MAST4: variants seen among roughly 807,000 people sequenced by gnomAD.
MAST4 encodes the protein microtubule associated serine/threonine kinase family member 4, also known as microtubule-associated serine/threonine-protein kinase 4.
In MAST4, 89 loss-of-function variants were observed where a neutral mutation model predicts 162.7. The ratio of observed to expected loss-of-function variants is 0.55; its 90% CI spans 0.46 to 0.65. The LOEUF (loss-of-function observed/expected upper bound fraction) is 0.65, where lower values mean the gene tolerates loss of function less well. Ranked by LOEUF, MAST4 falls within the 30% of genes least tolerant of loss-of-function variation. The pLI is 0.00. For missense variants in MAST4, 3,153 were observed against 3,374.0 expected (o/e 0.93, Z 1.62); for synonymous variants, 1,479 against 1,361.1 (o/e 1.09, Z -1.91).
chr5:66,879,309 G>T (rs1490427264), intron 3 of MAST4, among the ~76,000 whole-genome samples: 5 of 146,790 alleles, frequency 3.4e-5, no homozygotes, highest in Admixed American at 6.9e-5. Context: ...AAATTGTACT[G>T]ATATATATAT....
intron 3 of MAST4, among the ~76,000 whole-genome samples, chr5:66,876,243 A>G (rs1371698059): frequency 6.6e-6 from 1 of 152,190 alleles, no homozygotes; most frequent in Non-Finnish European, 1.5e-5. Context: ...TATCAATGCA[A>G]TGTTGATTTT....
chr5:66,921,868 T>C (rs1443809940), intron 4 of MAST4, among the ~76,000 whole-genome samples: 1 of 152,250 alleles, frequency 6.6e-6, no homozygotes, highest in Non-Finnish European at 1.5e-5. Context: ...CATGTAACGT[T>C]CTAATTAAAT....
intron 1 of MAST4, among the ~76,000 whole-genome samples, chr5:66,621,975 G>A (rs927288276): frequency 6.6e-6 from 1 of 152,142 alleles, no homozygotes; most frequent in Non-Finnish European, 1.5e-5. Flanking sequence ...GTCCATGAAA[G>A]GATATAGCTG....
chr5:66,876,004 C>T (rs1024082456), intron 3 of MAST4, among the ~76,000 whole-genome samples: 5 of 152,236 alleles, frequency 3.3e-5, no homozygotes, highest in African/African-American at 1.2e-4. Flanking sequence ...TGGGGTCAAG[C>T]AATCCTCCTG....
chr5:67,095,459 C>G, intron 6 of MAST4, 138 bp from the exon 7 acceptor site: 2 of 577,654 alleles, frequency 3.5e-6, no homozygotes, highest in Non-Finnish European at 6.1e-6. Context: ...TTTGTTTACC[C>G]TGACCCTTGC....
chr5:67,163,228 C>T lies in MAST4; in HGVS notation c.4049C>T (p.Thr1350Ile). The T allele has an allele frequency of 6.2e-7, 1 of 1,613,944 alleles. No individual in the cohort carries two copies. The highest frequency in any genetic ancestry group is 8.5e-7 in the Non-Finnish European group (1 of 1,179,902). Residue 1350 changes from threonine (T) to isoleucine (I), a missense_variant, in exon 29 of 29, where the codon ACT (threonine) becomes ATT (isoleucine). By Grantham distance (89) the Thr-to-Ile change is moderately conservative. Transcript: ENST00000403625. This position sits in a 1 kb window ranked among gnomAD's most constrained non-coding sequence, Gnocchi z 7.0. ...PAGSGHIRPSTLHGLAPKLGG... is the reference protein window; with the variant it reads ...PAGSGHIRPSILHGLAPKLGG... ...GGGTCCGGGCACATCCGGCCCAGCA[C>T]TCTCCACGGTCTTGCACCCAAACTC...
chr5:66,964,685 A>G (rs1254269311), intron 4 of MAST4, among the ~76,000 whole-genome samples: 1 of 152,182 alleles, frequency 6.6e-6, no homozygotes, highest in East Asian at 1.9e-4. Context: ...CCTTAGTCCC[A>G]GCTACCCCAT....
chr5:67,113,923 A>T (rs1404562532), intron 11 of MAST4, among the ~76,000 whole-genome samples, 164 bp from the exon 12 acceptor site: 1 of 152,242 alleles, frequency 6.6e-6, no homozygotes, highest in African/African-American at 2.4e-5. Flanking sequence ...GGCTTCAAAT[A>T]TGAAGTGAGA....
At chr5:66,771,837 T>G (rs1463727586) in intron 2 of MAST4, among the ~76,000 whole-genome samples, 2 of 152,068 alleles carry the variant, frequency 1.3e-5, no homozygotes, top group Non-Finnish European at 2.9e-5. Context: ...TTCTACTGCT[T>G]TTTAGTTTTG....
At chr5:66,985,763 T>C (rs148948106) in intron 4 of MAST4, among the ~76,000 whole-genome samples, 17 of 152,236 alleles carry the variant, frequency 1.1e-4, no homozygotes, top group Non-Finnish European at 2.2e-4. Context: ...TAAAAATAAC[T>C]TTCATATGTG....
chr5:66,820,081 A>G (rs1756922170), intron 3 of MAST4, among the ~76,000 whole-genome samples: 2 of 151,890 alleles, frequency 1.3e-5, no homozygotes, highest in African/African-American at 2.4e-5. Context: ...CAGCCCCTCA[A>G]AGTGCTGGGA....
chr5:66,883,723 G>A (rs948870958), intron 3 of MAST4, among the ~76,000 whole-genome samples: 1 of 152,054 alleles, frequency 6.6e-6, no homozygotes, highest in African/African-American at 2.4e-5. Context: ...CACCGCGCCC[G>A]GCTTTTATAA....
chr5:67,063,023 G>A (rs573679446), intron 5 of MAST4, among the ~76,000 whole-genome samples: 21 of 152,200 alleles, frequency 1.4e-4, no homozygotes, highest in Middle Eastern at 3.4e-3. Flanking sequence ...TTTTCACTGA[G>A]CCCCAAGATC....
At chr5:66,641,914 C>T (rs946474146) in intron 1 of MAST4, among the ~76,000 whole-genome samples, 4 of 152,154 alleles carry the variant, frequency 2.6e-5, no homozygotes, top group African/African-American at 4.8e-5. Context: ...ACCAATCTGC[C>T]TTTCCAGTCG....
chr5:67,085,548 C>G (rs890265477), intron 5 of MAST4, among the ~76,000 whole-genome samples: 2 of 152,118 alleles, frequency 1.3e-5, no homozygotes, highest in Non-Finnish European at 2.9e-5. Flanking sequence ...CAGGAAAAAC[C>G]AAAGATTCAG....
chr5:67,052,853 A>G (rs927256646), intron 4 of MAST4, among the ~76,000 whole-genome samples: 2 of 152,172 alleles, frequency 1.3e-5, no homozygotes, highest in Non-Finnish European at 2.9e-5. Context: ...TTCTATTAAC[A>G]TCAGCAAGTT....
At chr5:66,629,209 A>G (rs915306778) in intron 1 of MAST4, among the ~76,000 whole-genome samples, 4 of 152,208 alleles carry the variant, frequency 2.6e-5, no homozygotes, top group African/African-American at 7.2e-5. Context: ...ATCCGTTTAG[A>G]TAAAAGAAAC....
chr5:66,769,410 C>T (rs1754261043), intron 2 of MAST4, among the ~76,000 whole-genome samples: 1 of 152,128 alleles, frequency 6.6e-6, no homozygotes, highest in Non-Finnish European at 1.5e-5. Flanking sequence ...ACTTAACCAG[C>T]CCCTGAAGAA....
chr5:66,891,198 C>T (rs78994559), intron 3 of MAST4, among the ~76,000 whole-genome samples: 1 of 152,250 alleles, frequency 6.6e-6, no homozygotes, highest in East Asian at 1.9e-4. Flanking sequence ...TGCTTTTAGA[C>T]AGTCTTTTCT....
Sources: gnomAD v4.1 joint callset for allele counts (sites outside exome capture counted in the v4.1 genomes callset) on GRCh38, gnomAD v4.1.1 for gene constraint, Gnocchi (gnomAD v3.1) non-coding constraint, MANE v1.5 for transcripts, NCBI Gene and HGNC (gene_info 2026-07-23, HGNC 2026-07-21) for gene names.